FBXW11: variants seen among roughly 807,000 people sequenced by gnomAD.
FBXW11 encodes F-box/WD repeat-containing protein 11.
In FBXW11, 19 loss-of-function variants were observed where a neutral mutation model predicts 77.6. The observed-to-expected ratio is 0.24, with a 90% CI of 0.17 to 0.36. FBXW11 has a LOEUF of 0.36. FBXW11 is among the 10% of genes least tolerant of loss of function. The pLI is 1.00. For missense variants in FBXW11, 334 were observed against 704.2 expected (o/e 0.47, Z 5.95); for synonymous variants, 235 against 249.4 (o/e 0.94, Z 0.54).
At chr5:171,923,751 C>T (rs1204752949) in intron 2 of FBXW11, among the ~76,000 whole-genome samples, 2 of 150,620 alleles carry the variant, frequency 1.3e-5, no homozygotes, top group South Asian at 2.1e-4. Context: ...CACATTTTAA[C>T]GTCTCTGAAA....
chr5:171,973,348 C>T (rs1446964910), intron 1 of FBXW11, among the ~76,000 whole-genome samples: 3 of 152,090 alleles, frequency 2.0e-5, no homozygotes, highest in Non-Finnish European at 2.9e-5. Flanking sequence ...TTTATAGATT[C>T]AAAGAGATAT....
chr5:171,905,297 T>A (rs1228495172), intron 4 of FBXW11, among the ~76,000 whole-genome samples: 2 of 152,178 alleles, frequency 1.3e-5, no homozygotes, highest in Non-Finnish European at 2.9e-5. Flanking sequence ...AGAATGATAT[T>A]AAATGTCTGA....
intron 2 of FBXW11, among the ~76,000 whole-genome samples, chr5:171,924,558 C>A (rs1761783331): frequency 6.6e-6 from 1 of 152,044 alleles, no homozygotes; most frequent in African/African-American, 2.4e-5. Context: ...CCTCATTCTT[C>A]TTGGATGCGG....
At chr5:171,978,137 G>A (rs1411519418) in intron 1 of FBXW11, among the ~76,000 whole-genome samples, 2 of 148,182 alleles carry the variant, frequency 1.3e-5, no homozygotes, top group South Asian at 2.2e-4. Flanking sequence ...AATGCTTGTT[G>A]TAACCCTCAA....
intron 1 of FBXW11, among the ~76,000 whole-genome samples, chr5:171,984,728 A>T (rs1765342927): frequency 6.6e-6 from 1 of 152,236 alleles, no homozygotes; most frequent in African/African-American, 2.4e-5. Context: ...TAGCTTTCCA[A>T]TCTTGTTTAA....
rs572060831 is a variant in FBXW11 at position 171,996,114 on chromosome 5, C to T, written c.45+10344G>A. On this transcript the variant is annotated intron_variant, in intron 1 of 13. Coordinates refer to ENST00000517395, the MANE Select transcript of FBXW11 (RefSeq NM_001378974.1). Reference sequence around the variant, plus strand: ...ACAAGGGTAACTGGCATGTAGCACTCGCTCTCAATAAGCAGTTGCTACAGT... The same window carrying T: ...ACAAGGGTAACTGGCATGTAGCACTTGCTCTCAATAAGCAGTTGCTACAGT... Among the ~76,000 whole-genome samples, 3 of 152,316 alleles carry T rather than the reference C, an allele frequency of 2.0e-5. No homozygotes were observed. The East Asian group carries it at 5.8e-4, about 29-fold the overall frequency.
Position 171,974,016 on chromosome 5 carries a change from A to G in FBXW11, c.46-16318T>C, listed in dbSNP as rs1187400840. 4.6e-5 allele frequency among the ~76,000 whole-genome samples: 7 copies of G among 152,298 alleles called. No homozygotes were observed. The East Asian group carries it at 7.7e-4, about 17-fold the overall frequency. On this transcript the variant is annotated intron_variant, in intron 1 of 13. Coordinates refer to ENST00000517395, the MANE Select transcript of FBXW11 (RefSeq NM_001378974.1). ...TTTACAGAAATTCATGGATAGATGG[A>G]TGGATCAAGTTAAGAGGGGAGATTA...
chr5:171,938,676 C>A (rs1415513684), intron 2 of FBXW11, among the ~76,000 whole-genome samples: 1 of 152,104 alleles, frequency 6.6e-6, no homozygotes, highest in African/African-American at 2.4e-5. Context: ...TACACTAATT[C>A]AGTAACAATA....
chr5:171,980,461 C>T (rs1361798363), intron 1 of FBXW11, among the ~76,000 whole-genome samples: 1 of 152,086 alleles, frequency 6.6e-6, no homozygotes, highest in Non-Finnish European at 1.5e-5. Flanking sequence ...GAGATGTCTG[C>T]AATATACGCA....
At chr5:172,001,441 G>A (rs1355084673) in intron 1 of FBXW11, among the ~76,000 whole-genome samples, 1 of 152,202 alleles carries the variant, frequency 6.6e-6, no homozygotes, top group Non-Finnish European at 1.5e-5. Flanking sequence ...TGATCACCAG[G>A]AAAATTCAAC....
At chr5:171,865,704 T>A (rs553201009) in intron 13 of FBXW11, among the ~76,000 whole-genome samples, 267 of 152,366 alleles carry the variant, frequency 1.8e-3, no homozygotes, top group African/African-American at 6.1e-3. Context: ...AACGATCTTA[T>A]ATTGTCTTGT....
chr5:171,921,159 T>C (rs839277), intron 2 of FBXW11, among the ~76,000 whole-genome samples: 6,880 of 152,252 alleles, frequency 0.045, 370 homozygotes, highest in African/African-American at 0.13. Context: ...CTTCTCTCTT[T>C]CATACCAATC....
intron 7 of FBXW11, among the ~76,000 whole-genome samples, chr5:171,890,656 A>C (rs1350659550): frequency 6.6e-6 from 1 of 152,180 alleles, no homozygotes. Flanking sequence ...TATGTTCCCC[A>C]AAAAACCTAC....
At chr5:171,910,197 C>G (rs2113928880) in intron 4 of FBXW11, among the ~76,000 whole-genome samples, 2 of 151,558 alleles carry the variant, frequency 1.3e-5, no homozygotes, top group East Asian at 3.9e-4. Flanking sequence ...TCCTGAGTAG[C>G]TGGGATTACA....
chr5:171,975,619 A>G (rs972212985), intron 1 of FBXW11, among the ~76,000 whole-genome samples: 1 of 152,242 alleles, frequency 6.6e-6, no homozygotes, highest in African/African-American at 2.4e-5. Context: ...GCAAAAATTA[A>G]TCACCTCCAG....
chr5:171,870,087 C>A (rs898692102), intron 11 of FBXW11, among the ~76,000 whole-genome samples: 1 of 152,134 alleles, frequency 6.6e-6, no homozygotes, highest in Non-Finnish European at 1.5e-5. Context: ...GACTTGATAA[C>A]CTATGTCACC....
At chr5:171,936,370 A>G (rs954056358) in intron 2 of FBXW11, among the ~76,000 whole-genome samples, 7 of 151,612 alleles carry the variant, frequency 4.6e-5, no homozygotes, top group African/African-American at 7.3e-5. Flanking sequence ...CCGCACCTGT[A>G]GTCCCAGTGA....
chr5:171,915,195 A>G (rs1479582640), intron 2 of FBXW11, among the ~76,000 whole-genome samples: 1 of 152,228 alleles, frequency 6.6e-6, no homozygotes, highest in Non-Finnish European at 1.5e-5. Flanking sequence ...GTAACAACTC[A>G]TTTATGGATA....
chr5:171,874,783 G>A (rs1336436145), intron 9 of FBXW11, among the ~76,000 whole-genome samples: 7 of 146,034 alleles, frequency 4.8e-5, no homozygotes, highest in Admixed American at 4.1e-4. Flanking sequence ...AAAAAGGGCC[G>A]GGCCTGGTAG....
Sources: allele counts gnomAD v4.1 joint callset (sites outside exome capture counted in the v4.1 genomes callset), GRCh38; gene constraint gnomAD v4.1.1; transcripts MANE v1.5; gene names NCBI Gene and HGNC (gene_info 2026-07-23, HGNC 2026-07-21).